Variants in TANK observed in about 807,000 individuals in gnomAD.
TANK encodes TRAF family member-associated NF-kappa-B activator.
A neutral mutation model predicts 43.6 loss-of-function variants in TANK; 15 were observed. That is an observed-to-expected ratio of 0.34 (90% CI 0.23 to 0.53). TANK has a LOEUF of 0.53. Ranked by LOEUF, TANK falls within the 20% of genes least tolerant of loss-of-function variation. TANK has a pLI of 0.94. For synonymous variants in TANK, 162 were observed against 178.2 expected, an observed-to-expected ratio of 0.91 and a Z score of 0.73; for missense variants, 417 against 498.6, an observed-to-expected ratio of 0.84 and a Z score of 1.56.
intron 1 of TANK, chr2:161,139,635 A>T (rs1270143259): frequency 1.1e-6 from 1 of 938,518 alleles, no homozygotes; most frequent in African/African-American, 1.8e-5. Context: ...GTTCAAAATA[A>T]ACCAACCAAA....
intron 1 of TANK, among the ~76,000 whole-genome samples, chr2:161,167,870 C>T (rs544291419): frequency 7.9e-5 from 12 of 152,010 alleles, no homozygotes; most frequent in African/African-American, 2.4e-4. Context: ...GTGATACGCT[C>T]GCCTCGGCCT....
At chr2:161,164,981 A>G (rs929201363) in intron 1 of TANK, among the ~76,000 whole-genome samples, 4 of 150,982 alleles carry the variant, frequency 2.6e-5, no homozygotes, top group African/African-American at 4.9e-5. Context: ...GTAGTAAGTT[A>G]TGAGAGTAAA....
chr2:161,142,212 A>G (rs1683769241), intron 1 of TANK, among the ~76,000 whole-genome samples: 2 of 152,058 alleles, frequency 1.3e-5, no homozygotes, highest in South Asian at 4.1e-4. Context: ...TTCCTTGTAG[A>G]TTCTGGATAT....
rs763078605 is a variant in TANK at position 161,204,675 on chromosome 2, A to G, written c.209A>G (p.Asp70Gly). 10 of 1,604,948 alleles carry G rather than the reference A, an allele frequency of 6.2e-6. No homozygotes were observed. In the Admixed American group the frequency reaches 1.6e-4, roughly 25 times the overall value. ...TGTCCAAGAGGTTTTTGTCTTGCAG[A>G]TAACAATTATGGCTGTGTTCCTCTG... is the stretch of plus-strand genomic sequence containing the variant. ...SQLLLVNSTQ[D>G]NNYGCVPLLE... The change falls in exon 4 of 8, where the codon GAT (aspartate) becomes GGT (glycine). Residue 70 changes from aspartate to glycine, a missense_variant and splice_region_variant. Physicochemically the swap from Asp to Gly is moderately conservative, Grantham distance 94. Coordinates refer to ENST00000392749, the MANE Select transcript of TANK (RefSeq NM_001199135.3).
intron 1 of TANK, among the ~76,000 whole-genome samples, chr2:161,144,807 TTAGGTCC>T: frequency 6.6e-6 from 1 of 152,330 alleles, no homozygotes; most frequent in African/African-American, 2.4e-5. Flanking sequence ...TAGATTTCTA[TTAGGTCC>T]ACTTGATCCA....
At chr2:161,200,792 C>CTTT (rs398038230) in intron 2 of TANK, among the ~76,000 whole-genome samples, 2 of 146,690 alleles carry the variant, frequency 1.4e-5, no homozygotes, top group Admixed American at 1.4e-4. Context: ...TCTGATATTT[C>CTTT]TTTTTTTTTT....
At chr2:161,145,561 C>T (rs1274315883) in intron 1 of TANK, among the ~76,000 whole-genome samples, 3 of 151,824 alleles carry the variant, frequency 2.0e-5, no homozygotes, top group African/African-American at 7.3e-5. Flanking sequence ...ATTTGGTTGT[C>T]TGGAAAGGAT....
intron 4 of TANK, chr2:161,207,328 C>T (rs1053944287): frequency 2.3e-6 from 2 of 882,156 alleles, no homozygotes; most frequent in Non-Finnish European, 2.7e-6. Context: ...CTAACTTCAG[C>T]GAGTTCTCTT....
At chr2:161,232,693 C>T in intron 7 of TANK, 2 of 1,528,560 alleles carry the variant, frequency 1.3e-6, no homozygotes, top group Admixed American at 2.1e-5. Context: ...ATGCTTGTTA[C>T]TTTTTTCTCT....
chr2:161,178,404 A>G (rs959047681), intron 1 of TANK, among the ~76,000 whole-genome samples: 51 of 152,072 alleles, frequency 3.4e-4, no homozygotes, highest in African/African-American at 1.2e-3. Flanking sequence ...CAGACACAAA[A>G]ACCATGTATT....
chr2:161,184,096 G>A (rs567540614), intron 2 of TANK, among the ~76,000 whole-genome samples: 1 of 152,052 alleles, frequency 6.6e-6, no homozygotes, highest in Non-Finnish European at 1.5e-5. Flanking sequence ...AGAAGTGAGA[G>A]AGTATATGAT....
Position 161,140,478 on chromosome 2 carries a change from C to CT in TANK, c.-50+3424dup, listed in dbSNP as rs201984719. 4.4e-3 allele frequency among the ~76,000 whole-genome samples: 669 copies of CT among 150,852 alleles called. 10 individuals carry two copies. Among genetic ancestry groups the CT allele is most frequent in the Middle Eastern group, 0.021 (6 of 292 alleles). ...GATGCATTTTGTCCATTTGTCTTTT[C>CT]TTTTTTTTTCTGATTGGATGTCACA... On this transcript the variant is annotated intron_variant, in intron 1 of 7. Transcript: ENST00000259075.
At chr2:161,142,384 G>A (rs984366517) in intron 1 of TANK, among the ~76,000 whole-genome samples, 3 of 152,156 alleles carry the variant, frequency 2.0e-5, no homozygotes, top group Non-Finnish European at 4.4e-5. Context: ...TTTTCGTCAT[G>A]AAATCTTTGC....
At chr2:161,172,375 G>T (rs10187370) in intron 1 of TANK, among the ~76,000 whole-genome samples, 14,653 of 96,766 alleles carry the variant, frequency 0.15, 1,101 homozygotes, top group African/African-American at 0.34. Context: ...TTTTTTTTTT[G>T]GGGGTAAAAC....
At chr2:161,162,847 C>T (rs1684506559) in intron 1 of TANK, 1 of 152,002 alleles carries the variant, frequency 6.6e-6, no homozygotes, top group African/African-American at 2.4e-5. Flanking sequence ...TGTGTATATT[C>T]ATTACTTCTT....
intron 2 of TANK, among the ~76,000 whole-genome samples, chr2:161,193,112 A>G (rs188804446): frequency 5.4e-4 from 83 of 152,330 alleles, no homozygotes; most frequent in Non-Finnish European, 1.0e-3. Flanking sequence ...CAGGGACATC[A>G]TATATGCTAG....
chr2:161,198,979 T>G (rs2105335720), intron 2 of TANK, among the ~76,000 whole-genome samples: 1 of 152,312 alleles, frequency 6.6e-6, no homozygotes, highest in Non-Finnish European at 1.5e-5. Flanking sequence ...TGATCCTGTT[T>G]GATCTCGTAC....
At chr2:161,204,609 T>G in intron 3 of TANK, 66 bp from the exon 4 acceptor site, 1 of 1,436,910 alleles carries the variant, frequency 7.0e-7, no homozygotes, top group South Asian at 1.2e-5. Context: ...TATTATTTTT[T>G]GCTTTTTCAG....
intron 1 of TANK, among the ~76,000 whole-genome samples, chr2:161,169,165 C>T (rs1442393182): frequency 6.6e-6 from 1 of 152,090 alleles, no homozygotes; most frequent in African/African-American, 2.4e-5. Flanking sequence ...AAGAAGGTCC[C>T]AAGATGAAGG....
Sources: allele counts gnomAD v4.1 joint callset (sites outside exome capture counted in the v4.1 genomes callset), GRCh38; gene constraint gnomAD v4.1.1; transcripts MANE v1.5; gene names NCBI Gene and HGNC (gene_info 2026-07-23, HGNC 2026-07-21).